IGSF9B: variants seen among roughly 807,000 people sequenced by gnomAD.
The protein encoded by IGSF9B is immunoglobulin superfamily member 9B, also known as protein turtle homolog B.
Under a neutral mutation model 143.7 loss-of-function variants are expected in IGSF9B, and 48 were observed. That is an observed-to-expected ratio of 0.33 (90% CI 0.26 to 0.42). IGSF9B has a LOEUF of 0.42. Ranked by LOEUF, IGSF9B falls within the 20% of genes least tolerant of loss-of-function variation. The pLI, the probability that IGSF9B is intolerant of heterozygous loss-of-function variation, is 1.00. For synonymous variants in IGSF9B, 903 were observed against 833.1 expected (o/e 1.08, Z -1.44); for missense variants, 1,706 against 1,980.0 (o/e 0.86, Z 2.63).
chr11:133,944,449 G>A, intron 2 of IGSF9B, 83 bp from the exon 3 acceptor site: 1 of 1,415,088 alleles, frequency 7.1e-7, no homozygotes. Flanking sequence ...GCTAAAGACA[G>A]GGGACTCATC....
intron 1 of IGSF9B, chr11:133,951,795 G>A (rs940441229): frequency 3.9e-5 from 7 of 178,190 alleles, no homozygotes; most frequent in Non-Finnish European, 7.3e-5. Flanking sequence ...CCGTGGGCTC[G>A]GCCCCCAGGA....
Position 133,921,414 on chromosome 11 carries a change from G to A in IGSF9B, c.2328-17C>T, listed in dbSNP as rs1000705302. 8 of 1,474,472 alleles carry A rather than the reference G, an allele frequency of 5.4e-6. No homozygotes were observed. In the Admixed American group the frequency reaches 1.2e-4, roughly 22 times the overall value. 91.3% of individuals were successfully genotyped at this position (1,474,472 alleles called of 1,614,324 possible). A position where few individuals can be genotyped will look rare whatever the true frequency, so the allele number is the denominator to read the frequency against. On this transcript the variant is annotated splice_polypyrimidine_tract_variant and intron_variant, in intron 17 of 19. Transcript: ENST00000533871. Reference sequence around the variant, plus strand: ...GAGGACAAGCTGCAAGGAGGAGCAAGAGCCGGGAGGGGATGAGGTGGGGCA... The same window carrying A: ...GAGGACAAGCTGCAAGGAGGAGCAAAAGCCGGGAGGGGATGAGGTGGGGCA...
chr11:133,924,742 C>T, intron 15 of IGSF9B, 78 bp downstream of exon 15: 2 of 1,164,238 alleles, frequency 1.7e-6, no homozygotes, highest in South Asian at 2.5e-5. Flanking sequence ...CGTGGAGTAG[C>T]CATTTCACAA....
In IGSF9B at chr11:133,920,949, G is replaced by C; in HGVS notation, c.2776C>G (p.Pro926Ala). The change falls in exon 18 of 20, where the codon CCA (proline) becomes GCA (alanine). Residue 926 changes from proline (P) to alanine (A), a missense_variant. Around this residue, in one of 7 missense-constraint regions of IGSF9B, gnomAD observed 880 missense variants for 762.9 expected, o/e 1.15. Transcript: ENST00000533871. ...GGCTGGAACCGAGGGCTGTATGCTG[G>C]TGGTGGCAGGTAGGACTCCTGGCTG... ...SSSQESYLPP[P>A]AYSPRFQPRG... The C allele has an allele frequency of 6.2e-7, 1 of 1,610,862 alleles. No homozygotes were observed. Among genetic ancestry groups the C allele is most frequent in the Non-Finnish European group, 8.5e-7 (1 of 1,178,718 alleles).
At chr11:133,951,732 G>T (rs969543626) in intron 1 of IGSF9B, among the ~76,000 whole-genome samples, 4 of 152,136 alleles carry the variant, frequency 2.6e-5, no homozygotes, top group Non-Finnish European at 4.4e-5. Context: ...CACTCACAGG[G>T]CCCAGGTGCA....
chr11:133,928,298 G>C lies in IGSF9B; in HGVS notation c.1632-1207C>G. On this transcript the variant is annotated intron_variant, in intron 12 of 19. Transcript: ENST00000533871. This position sits in a 1 kb window ranked among gnomAD's most constrained non-coding sequence, Gnocchi z 4.7. ...TGGTTAGGGCCCCCACGCTGCTGCGGGAGGAACAGAGTAAGGGGACGGGAG... is the reference window on the plus strand; with the variant it reads ...TGGTTAGGGCCCCCACGCTGCTGCGCGAGGAACAGAGTAAGGGGACGGGAG... Among the ~76,000 whole-genome samples, 1 of 152,152 alleles carries C rather than the reference G, an allele frequency of 6.6e-6. No homozygotes were observed. Among genetic ancestry groups the C allele is most frequent in the East Asian group, 1.9e-4 (1 of 5,190 alleles).
At chr11:133,952,738 C>A (rs1591728694) in intron 1 of IGSF9B, among the ~76,000 whole-genome samples, 2 of 152,014 alleles carry the variant, frequency 1.3e-5, no homozygotes, top group East Asian at 1.9e-4. Flanking sequence ...CATGCAGGGG[C>A]ACACACATAT....
Position 133,908,166 on chromosome 11 carries a change from C to G in IGSF9B, c.*903G>C, listed in dbSNP as rs1565411761. 6.6e-6 allele frequency among the ~76,000 whole-genome samples: 1 copy of G among 152,188 alleles called. No homozygotes were observed. The stretch of plus-strand genomic sequence containing the variant: ...CGACGGATGCGCTGGACATGTGCAC[C>G]AGAGGCTTGCTTTAGCCCCGCGGCT... On this transcript the variant is annotated 3_prime_UTR_variant, in exon 20 of 20. Transcript: ENST00000533871.
rs972837558 is a variant in IGSF9B at position 133,909,064 on chromosome 11, T to C, written c.*5A>G. On this transcript the variant is annotated 3_prime_UTR_variant, in exon 20 of 20. Coordinates refer to ENST00000533871, the MANE Select transcript of IGSF9B (RefSeq NM_001277285.4). This position sits in a 1 kb window ranked among gnomAD's most constrained non-coding sequence, Gnocchi z 4.2. ...CGCCCCGGGGACACCTAGAGTGGGG[T>C]GGAGTCACAGCAAAGTGGCATGTCC... 2 of 1,533,964 alleles carry C rather than the reference T, an allele frequency of 1.3e-6. No individual in the cohort carries two copies. Among genetic ancestry groups the C allele is most frequent in the Non-Finnish European group, 1.7e-6 (2 of 1,145,346 alleles).
intron 2 of IGSF9B, among the ~76,000 whole-genome samples, chr11:133,944,776 C>T (rs910269172): frequency 6.6e-6 from 1 of 152,164 alleles, no homozygotes; most frequent in African/African-American, 2.4e-5. Flanking sequence ...CTCCAGCGCA[C>T]CCGGGAGCAC....
intron 18 of IGSF9B, among the ~76,000 whole-genome samples, chr11:133,912,803 C>G (rs1360117716): frequency 6.6e-6 from 1 of 152,206 alleles, no homozygotes; most frequent in Admixed American, 6.5e-5. Flanking sequence ...GCTATTGGAA[C>G]AGACCATGTG....
rs1329809161 is a variant in IGSF9B at position 133,928,087 on chromosome 11, C to T, written c.1632-996G>A. ...GAAAAGCAGTGCAGATGAGCAGCAG[C>T]GTGGAGCAGCAGCGTGAAGCAGCAC... On this transcript the variant is annotated intron_variant, in intron 12 of 19. Transcript: ENST00000533871. This position sits in a 1 kb window ranked among gnomAD's most constrained non-coding sequence, Gnocchi z 4.7. Among the ~76,000 whole-genome samples, 3 of 151,214 alleles carry T rather than the reference C, an allele frequency of 2.0e-5. No individual in the cohort carries two copies. The highest frequency in any genetic ancestry group is 4.9e-5 in the African/African-American group (2 of 40,582).
Position 133,946,269 on chromosome 11 carries a change from C to T in IGSF9B, c.65-11G>A, listed in dbSNP as rs753290995. 2.4e-5 allele frequency: 39 copies of T among 1,611,138 alleles called. No homozygotes were observed. The East Asian group carries it at 3.6e-4, about 15-fold the overall frequency. ...GCAGGCCGTGGGCGCCTGATGGGGACGGCCAGGTTGGACACAGAAAGGAGG... is the reference window on the plus strand; with the variant it reads ...GCAGGCCGTGGGCGCCTGATGGGGATGGCCAGGTTGGACACAGAAAGGAGG... On this transcript the variant is annotated splice_polypyrimidine_tract_variant and intron_variant, in intron 1 of 19. Transcript: ENST00000533871.
Position 133,898,241 on chromosome 11 carries a change from T to C in IGSF9B, c.*10828A>G, listed in dbSNP as rs1939054372. 1 of 152,116 alleles carries C rather than the reference T, an allele frequency of 6.6e-6. No homozygotes were observed. Among genetic ancestry groups the C allele is most frequent in the Non-Finnish European group, 1.5e-5 (1 of 68,040 alleles). 9.4% of individuals were successfully genotyped at this position (152,116 alleles called of 1,614,324 possible). ...TTCGAAATGAGAGCAAGAAATCTCA[T>C]GACGAAACTGACAGTCATATCCAGA... is the stretch of plus-strand genomic sequence containing the variant. On this transcript the variant is annotated 3_prime_UTR_variant, in exon 20 of 20. Coordinates refer to ENST00000533871, the MANE Select transcript of IGSF9B (RefSeq NM_001277285.4).
At chr11:133,943,349 G>A (rs141060929) in intron 3 of IGSF9B, among the ~76,000 whole-genome samples, 1,868 of 152,250 alleles carry the variant, frequency 0.012, 22 homozygotes, top group Non-Finnish European at 0.02. Context: ...TCCCACGACG[G>A]GGACCACTTC....
rs2121311763 is a variant in IGSF9B, at chr11:133,931,917, G to A, written c.1111-122C>T. On this transcript the variant is annotated intron_variant, in intron 8 of 19. Transcript: ENST00000533871. The surrounding 1 kb of genome is among the most constrained non-coding windows in gnomAD (Gnocchi z 7.7). ...GTACAGGAGCTCCAGCCCGGGGCGG[G>A]CGGCACCCGCAGACCCCTACAGAAG... The A allele has an allele frequency of 1.3e-6, 2 of 1,501,748 alleles. No homozygotes were observed. Among genetic ancestry groups the A allele is most frequent in the Non-Finnish European group, 1.8e-6 (2 of 1,117,302 alleles). The allele number at this position is 1,501,748 out of a possible 1,614,324, so 93.0% of individuals were successfully genotyped here.
intron 1 of IGSF9B, among the ~76,000 whole-genome samples, chr11:133,952,835 G>T (rs550794500): frequency 2.6e-4 from 39 of 152,188 alleles, no homozygotes; most frequent in African/African-American, 9.1e-4. Context: ...ACAGCTGGAA[G>T]CTCTCAGCAG....
chr11:133,926,046 A>AT (rs1491555854), intron 13 of IGSF9B, 81 bp from the exon 14 acceptor site: 1 of 1,027,718 alleles, frequency 9.7e-7, no homozygotes, highest in Non-Finnish European at 1.5e-6. Context: ...TCCTGTGCAC[A>AT]TGTCAGGGCC....
In IGSF9B at chr11:133,948,142, CTG is replaced by C. The variant is rs1191288663; in HGVS notation, c.65-1886_65-1885del. On this transcript the variant is annotated intron_variant, in intron 1 of 19. Coordinates refer to ENST00000533871, the MANE Select transcript of IGSF9B (RefSeq NM_001277285.4). The surrounding 1 kb of genome is among the most constrained non-coding windows in gnomAD (Gnocchi z 4.7). ...AAGGGGAGGGGTTCTGCCTGCTTCT[CTG>C]TATGCAAGGGCTCCGTCTCTGCATG... Among the ~76,000 whole-genome samples the C allele has an allele frequency of 6.6e-6, 1 of 151,406 alleles. No individual in the cohort carries two copies. Among genetic ancestry groups the C allele is most frequent in the Non-Finnish European group, 1.5e-5 (1 of 67,926 alleles).
Sources: gnomAD v4.1 joint callset for allele counts (sites outside exome capture counted in the v4.1 genomes callset) on GRCh38, gnomAD v4.1.1 for gene constraint, gnomAD v4.1.1 regional missense constraint, Gnocchi (gnomAD v3.1) non-coding constraint, MANE v1.5 for transcripts, NCBI Gene and HGNC (gene_info 2026-07-23, HGNC 2026-07-21) for gene names.